Variants in PDK1 observed in about 807,000 individuals in gnomAD.
PDK1 encodes the protein pyruvate dehydrogenase kinase 1.
In PDK1, 39 loss-of-function variants were observed where a neutral mutation model predicts 54.2. That is an observed-to-expected ratio of 0.72 (90% confidence interval 0.56 to 0.94). The LOEUF (loss-of-function observed/expected upper bound fraction) is 0.94, where lower values mean the gene tolerates loss of function less well. Among genes scored for constraint, PDK1 ranks in the 40% least tolerant of loss-of-function variants. PDK1 has a pLI of 0.00. For missense variants in PDK1, 552 were observed against 566.0 expected (o/e 0.98, Z 0.25); for synonymous variants, 221 against 207.1 (o/e 1.07, Z -0.58).
At chr2:172,562,732 A>T in intron 3 of PDK1, 1 of 1,472,464 alleles carries the variant, frequency 6.8e-7, no homozygotes, top group Non-Finnish European at 9.5e-7. Flanking sequence ...AACATTTTTT[A>T]AAACACAGAA....
At chr2:172,642,787 A>ACTCCTCCTCCTCCTC in the PDK1 span, among the ~76,000 whole-genome samples, 4 of 144,062 alleles carry the variant, frequency 2.8e-5, no homozygotes, top group African/African-American at 5.2e-5. Context: ...TCCTCCTCCC[A>ACTCCTCCTCCTCCTC]CTCCTCCTCC....
In PDK1 at chr2:172,571,082, A is replaced by G. The variant is rs532851760; in HGVS notation, c.945+258A>G. Among the ~76,000 whole-genome samples the G allele has an allele frequency of 2.6e-5, 4 of 152,326 alleles. No homozygotes were observed. In the East Asian group the frequency reaches 7.7e-4, roughly 29 times the overall value. ...CTTGGAGACAGACAATTTATCATTA[A>G]TATCTCTTTGATAAGTAAGATCTAA... On this transcript the variant is annotated intron_variant, in intron 8 of 10. Transcript: ENST00000282077.
chr2:172,703,966 G>T, the PDK1 span, among the ~76,000 whole-genome samples: 3 of 151,336 alleles, frequency 2.0e-5, 1 homozygote, highest in South Asian at 4.2e-4. Context: ...TAGAGACAGG[G>T]TTTCACCATG....
chr2:172,615,240 G>GA, the PDK1 span, among the ~76,000 whole-genome samples: 3 of 152,028 alleles, frequency 2.0e-5, no homozygotes, highest in Non-Finnish European at 4.4e-5. Flanking sequence ...ATGTTTTTCT[G>GA]AAAAAAATGC....
chr2:172,712,369 G>A, the PDK1 span, among the ~76,000 whole-genome samples: 1 of 152,184 alleles, frequency 6.6e-6, no homozygotes, highest in African/African-American at 2.4e-5. Flanking sequence ...TGCTTGGGCC[G>A]CTGGGCTCTT....
At chr2:172,642,500 A>G in the PDK1 span, among the ~76,000 whole-genome samples, 1 of 152,214 alleles carries the variant, frequency 6.6e-6, no homozygotes, top group African/African-American at 2.4e-5. Flanking sequence ...AAAATGCAGG[A>G]TCTGGGACCC....
chr2:172,687,978 C>T, the PDK1 span, among the ~76,000 whole-genome samples: 1 of 152,346 alleles, frequency 6.6e-6, no homozygotes, highest in South Asian at 2.1e-4. Context: ...GGAGCAAGGA[C>T]CTCCTACCCT....
the PDK1 span, among the ~76,000 whole-genome samples, chr2:172,655,258 C>G: frequency 6.6e-6 from 1 of 152,198 alleles, no homozygotes; most frequent in African/African-American, 2.4e-5. Flanking sequence ...TCCCGAGGAC[C>G]AGCTTTAAAA....
At chr2:172,593,259 A>G (rs759327862) in intron 10 of PDK1, among the ~76,000 whole-genome samples, 6 of 152,196 alleles carry the variant, frequency 3.9e-5, no homozygotes, top group Non-Finnish European at 8.8e-5. Flanking sequence ...GACTCTGTCT[A>G]TTAATAGGAA....
At chr2:172,594,763 T>G (rs558805992) in intron 10 of PDK1, among the ~76,000 whole-genome samples, 2 of 152,350 alleles carry the variant, frequency 1.3e-5, no homozygotes, top group Non-Finnish European at 2.9e-5. Flanking sequence ...GTTCTGCATC[T>G]TAGGAAATGC....
At chr2:172,714,705 A>G in the PDK1 span, among the ~76,000 whole-genome samples, 1 of 152,184 alleles carries the variant, frequency 6.6e-6, no homozygotes, top group Non-Finnish European at 1.5e-5. Context: ...AAATTAGGTT[A>G]TATGTCAATA....
chr2:172,573,272 A>G (rs998248700), intron 8 of PDK1, among the ~76,000 whole-genome samples: 4 of 152,102 alleles, frequency 2.6e-5, no homozygotes, highest in Non-Finnish European at 4.4e-5. Context: ...CTTTTTTATT[A>G]TAGACATTAT....
At chr2:172,641,678 A>G in the PDK1 span, among the ~76,000 whole-genome samples, 5 of 152,160 alleles carry the variant, frequency 3.3e-5, no homozygotes, top group African/African-American at 9.7e-5. Context: ...TCCTGACCTC[A>G]GGTGATCTGC....
At chr2:172,710,433 TA>T in the PDK1 span, among the ~76,000 whole-genome samples, 1 of 152,242 alleles carries the variant, frequency 6.6e-6, no homozygotes, top group Admixed American at 6.5e-5. Flanking sequence ...ATGTGCTAAA[TA>T]ACATGCTAGT....
the PDK1 span, among the ~76,000 whole-genome samples, chr2:172,709,691 G>T: frequency 6.6e-6 from 1 of 152,200 alleles, no homozygotes; most frequent in African/African-American, 2.4e-5. Context: ...CTAACTGTGA[G>T]AAATTGCATA....
At chr2:172,556,386 C>T in intron 1 of PDK1, 40 bp downstream of exon 1, 2 of 1,350,820 alleles carry the variant, frequency 1.5e-6, no homozygotes, top group South Asian at 3.8e-5. Context: ...TTGCGCGGTC[C>T]CGGGCGGGGA....
At chr2:172,595,769 C>T in intron 10 of PDK1, 60 bp from the exon 11 acceptor site, 2 of 1,462,464 alleles carry the variant, frequency 1.4e-6, no homozygotes, top group Non-Finnish European at 1.9e-6. Flanking sequence ...TGTCTATTTT[C>T]TCAAATAATG....
intron 3 of PDK1, chr2:172,562,910 A>G: frequency 2.1e-6 from 2 of 963,728 alleles, no homozygotes; most frequent in East Asian, 5.2e-5. Context: ...GAGTGTAATG[A>G]CCATCTCTTG....
At chr2:172,641,860 C>T in the PDK1 span, among the ~76,000 whole-genome samples, 2 of 152,088 alleles carry the variant, frequency 1.3e-5, no homozygotes, top group African/African-American at 4.8e-5. Flanking sequence ...CTACAACCTG[C>T]CTTGGGGAAG....
Sources: allele counts gnomAD v4.1 joint callset (sites outside exome capture counted in the v4.1 genomes callset), GRCh38; gene constraint gnomAD v4.1.1; transcripts MANE v1.5; gene names NCBI Gene and HGNC (gene_info 2026-07-23, HGNC 2026-07-21).